The following PALMD variants were observed in gnomAD, a reference collection of about 807,000 sequenced individuals.
The protein encoded by PALMD is paralemmin-like protein.
PALMD carries 42 observed loss-of-function variants against 56.2 expected under a neutral mutation model. That is an observed-to-expected ratio of 0.75 (90% CI 0.58 to 0.97). PALMD has a LOEUF of 0.97. Ranked by LOEUF, PALMD falls within the 50% of genes least tolerant of loss-of-function variation. The pLI, the probability that PALMD is intolerant of heterozygous loss-of-function variation, is 0.00. For synonymous variants in PALMD, 242 were observed against 222.9 expected, an observed-to-expected ratio of 1.09 and a Z score of -0.76; for missense variants, 660 against 643.8, an observed-to-expected ratio of 1.03 and a Z score of -0.27.
intron 1 of PALMD, among the ~76,000 whole-genome samples, chr1:99,658,703 G>A (rs1247348466): frequency 1.3e-5 from 2 of 151,632 alleles, no homozygotes; most frequent in Non-Finnish European, 2.9e-5. Flanking sequence ...TCTGGGAGGC[G>A]GAGCTTGCAG....
chr1:99,675,609 C>T (rs1653183036), intron 3 of PALMD, among the ~76,000 whole-genome samples: 1 of 152,176 alleles, frequency 6.6e-6, no homozygotes, highest in Non-Finnish European at 1.5e-5. Context: ...TAGTTTCTGT[C>T]CCACCAGAGC....
In PALMD at chr1:99,646,234, C is replaced by T. The variant is rs1302583584; in HGVS notation, c.-84C>T. 9.5e-7 allele frequency: 1 copy of T among 1,053,080 alleles called. No homozygotes were observed. The highest frequency in any genetic ancestry group is 1.5e-6 in the Non-Finnish European group (1 of 671,126). The allele number at this position is 1,053,080 out of a possible 1,614,324, so 65.2% of individuals were successfully genotyped here. A position where few individuals can be genotyped will look rare whatever the true frequency, so the allele number is the denominator to read the frequency against. On this transcript the variant is annotated 5_prime_UTR_variant, in exon 1 of 8. Coordinates refer to ENST00000263174, the MANE Select transcript of PALMD (RefSeq NM_017734.5). Reference sequence around the variant, plus strand: ...ATTTCTCCCTGCTTCTCTTCTGTCACCCCCGCTCCTCTCCCCCAGGAGGCT... The same window carrying T: ...ATTTCTCCCTGCTTCTCTTCTGTCATCCCCGCTCCTCTCCCCCAGGAGGCT...
chr1:99,689,622 T>G lies in PALMD; in HGVS notation c.1362T>G (p.Asp454Glu). 3 of 1,613,468 alleles carry G rather than the reference T, an allele frequency of 1.9e-6. No homozygotes were observed. The highest frequency in any genetic ancestry group is 1.7e-5 in the Admixed American group (1 of 59,900). The change falls in exon 7 of 8, where the codon GAT (aspartate) becomes GAG (glutamate). Residue 454 changes from aspartate (D) to glutamate (E), a missense_variant. Transcript: ENST00000263174. ...LVVIDDEEEE[D>E]EGEAEKPSYH... is the part of the protein sequence containing the mutation. ...TGATTGATGATGAGGAGGAGGAGGATGAAGGAGAAGCAGAGAAACCGTCCT... is the reference window on the plus strand; with the variant it reads ...TGATTGATGATGAGGAGGAGGAGGAGGAAGGAGAAGCAGAGAAACCGTCCT...
rs1653598507 is a variant in PALMD at position 99,689,222 on chromosome 1, GTCCCAT to G, written c.966_971del (p.Ile323_Pro324del). ...AGGGGAAACAACTTCAATCACATCA[GTCCCAT>G]TCCGCCAGTGCCTCATCCCCGATCA... On this transcript the variant is annotated inframe_deletion, in exon 7 of 8. Coordinates refer to ENST00000263174, the MANE Select transcript of PALMD (RefSeq NM_017734.5). 6.2e-7 allele frequency: 1 copy of G among 1,613,600 alleles called. No individual in the cohort carries two copies. Among genetic ancestry groups the G allele is most frequent in the East Asian group, 2.2e-5 (1 of 44,842 alleles).
chr1:99,668,489 C>T (rs969476972), intron 3 of PALMD: 12 of 152,378 alleles, frequency 7.9e-5, no homozygotes, highest in African/African-American at 2.9e-4. Context: ...GCCCCAGCCC[C>T]TACTCTCACC....
chr1:99,646,500 T>C (rs779664428), intron 1 of PALMD, 138 bp downstream of exon 1: 7 of 699,478 alleles, frequency 1.0e-5, no homozygotes, highest in Non-Finnish European at 1.8e-5. Flanking sequence ...TCTGTTTCTC[T>C]CTTAACCCTC....
At chr1:99,650,901 G>A (rs1652568509) in intron 1 of PALMD, among the ~76,000 whole-genome samples, 1 of 152,166 alleles carries the variant, frequency 6.6e-6, no homozygotes, top group Non-Finnish European at 1.5e-5. Context: ...TTTAACAAAG[G>A]CATACCCTAA....
chr1:99,675,254 G>A (rs188681668), intron 3 of PALMD, among the ~76,000 whole-genome samples: 1 of 152,264 alleles, frequency 6.6e-6, no homozygotes, highest in Non-Finnish European at 1.5e-5. Context: ...AATGTTAAGG[G>A]TTACCAAGGC....
chr1:99,678,261 T>A (rs1302057637), intron 3 of PALMD, among the ~76,000 whole-genome samples: 1 of 151,962 alleles, frequency 6.6e-6, no homozygotes, highest in Non-Finnish European at 1.5e-5. Context: ...CGTGCCACCA[T>A]GCCCAGCTAA....
chr1:99,691,940 A>G (rs1653660335), intron 7 of PALMD, among the ~76,000 whole-genome samples: 1 of 152,226 alleles, frequency 6.6e-6, no homozygotes, highest in Non-Finnish European at 1.5e-5. Flanking sequence ...GAAATGGAAA[A>G]AGGTGGACCC....
chr1:99,655,548 C>T (rs1214597871), intron 1 of PALMD, among the ~76,000 whole-genome samples: 1 of 152,102 alleles, frequency 6.6e-6, no homozygotes, highest in Non-Finnish European at 1.5e-5. Context: ...ATTCATCATT[C>T]ACCTCTTTGC....
At chr1:99,672,005 GT>G (rs1653099234) in intron 3 of PALMD, among the ~76,000 whole-genome samples, 1 of 152,144 alleles carries the variant, frequency 6.6e-6, no homozygotes, top group Admixed American at 6.5e-5. Context: ...GCATTTTTAA[GT>G]TTCCAATCTA....
In PALMD at chr1:99,646,143, C is replaced by T. The variant is rs986118034; in HGVS notation, c.-175C>T. On this transcript the variant is annotated 5_prime_UTR_variant, in exon 1 of 8. Transcript: ENST00000263174. Reference sequence around the variant, plus strand: ...ATGTGTCTGTCTGGCCTGATCTGTGCATCTGCTCGGAGACGCTCCTGACAA... The same window carrying T: ...ATGTGTCTGTCTGGCCTGATCTGTGTATCTGCTCGGAGACGCTCCTGACAA... The T allele has an allele frequency of 4.9e-6, 3 of 618,122 alleles. No individual in the cohort carries two copies. Among genetic ancestry groups the T allele is most frequent in the Admixed American group, 5.4e-5 (2 of 37,030 alleles). 38.3% of individuals were successfully genotyped at this position (618,122 alleles called of 1,614,324 possible).
intron 7 of PALMD, among the ~76,000 whole-genome samples, chr1:99,690,323 A>G (rs1333204853): frequency 6.6e-6 from 1 of 152,156 alleles, no homozygotes; most frequent in Non-Finnish European, 1.5e-5. Context: ...TTTTCAGAGT[A>G]TTTTATTACC....
intron 3 of PALMD, among the ~76,000 whole-genome samples, chr1:99,680,783 C>T (rs1425968832): frequency 6.6e-6 from 1 of 151,994 alleles, no homozygotes; most frequent in Admixed American, 6.6e-5. Context: ...AACACACATA[C>T]ATACACATAT....
At chr1:99,651,429 T>C (rs113436980) in intron 1 of PALMD, among the ~76,000 whole-genome samples, 92 of 152,334 alleles carry the variant, frequency 6.0e-4, no homozygotes, top group Middle Eastern at 3.4e-3. Flanking sequence ...CATTACTGGA[T>C]GGTTGAAAGG....
In PALMD at chr1:99,665,743, TG is replaced by T. The variant is rs541137604; in HGVS notation, c.127-1898del. 2.2e-4 allele frequency among the ~76,000 whole-genome samples: 34 copies of T among 152,296 alleles called. No homozygotes were observed. The South Asian group carries it at 7.0e-3, about 32-fold the overall frequency. ...TAAAACTTACTTCTATAGGTGTTACTGTCTTCTTTCCTATGCATTAGCTAAA... is the reference window on the plus strand; with the variant it reads ...TAAAACTTACTTCTATAGGTGTTACTTCTTCTTTCCTATGCATTAGCTAAA... On this transcript the variant is annotated intron_variant, in intron 2 of 7. Coordinates refer to ENST00000263174, the MANE Select transcript of PALMD (RefSeq NM_017734.5).
intron 2 of PALMD, among the ~76,000 whole-genome samples, chr1:99,665,705 GGTTTGT>G (rs1335560559): frequency 6.6e-6 from 1 of 151,968 alleles, no homozygotes; most frequent in Non-Finnish European, 1.5e-5. Context: ...CCTTATAGGT[GGTTTGT>G]AAGGAGTAAA....
Position 99,687,108 on chromosome 1 carries a change from G to T in PALMD, c.433G>T (p.Asp145Tyr). 1 of 1,603,682 alleles carries T rather than the reference G, an allele frequency of 6.2e-7. No homozygotes were observed. The highest frequency in any genetic ancestry group is 1.1e-5 in the South Asian group (1 of 90,660). Residue 145 changes from aspartate to tyrosine, a missense_variant, in exon 6 of 8, where the codon GAC (aspartate) becomes TAC (tyrosine). By Grantham distance (160) the Asp-to-Tyr change is radical. Transcript: ENST00000263174. ...SIEDIYANIP[D>Y]LPKSYIPSRL... ...TGAGGACATCTATGCTAATATCCCT[G>T]ACCTTCCAAAGTCCTACATACCTTC...
Sources: allele counts gnomAD v4.1 joint callset (sites outside exome capture counted in the v4.1 genomes callset), GRCh38; gene constraint gnomAD v4.1.1; transcripts MANE v1.5; gene names NCBI Gene and HGNC (gene_info 2026-07-23, HGNC 2026-07-21).